The following MARS1 variants were observed in gnomAD, a reference collection of about 807,000 sequenced individuals.
MARS1 encodes methionine--tRNA ligase, cytoplasmic.
In MARS1, 80 loss-of-function variants were observed where a neutral mutation model predicts 119.5. That is an observed-to-expected ratio of 0.67 (90% CI 0.56 to 0.81). The LOEUF (loss-of-function observed/expected upper bound fraction) is 0.81. Among genes scored for constraint, MARS1 ranks in the 30% least tolerant of loss-of-function variants. The probability of loss-of-function intolerance (pLI) is 0.00; values close to 1 mark genes in which losing one functional copy is unlikely to be tolerated. For synonymous variants in MARS1, 418 were observed against 433.4 expected, an observed-to-expected ratio of 0.96 and a Z score of 0.44; for missense variants, 945 against 1,116.5, an observed-to-expected ratio of 0.85 and a Z score of 2.19.
intron 11 of MARS1, among the ~76,000 whole-genome samples, chr12:57,510,773 A>AAT (rs944429997): frequency 2.6e-5 from 4 of 152,126 alleles, no homozygotes; most frequent in African/African-American, 9.6e-5. Flanking sequence ...TGTATTTAAA[A>AAT]AAAGAAAAAA....
intron 11 of MARS1, among the ~76,000 whole-genome samples, chr12:57,507,587 C>T (rs1354019843): frequency 2.8e-5 from 4 of 141,208 alleles, no homozygotes; most frequent in South Asian, 2.3e-4. Context: ...ACCTCCCGGA[C>T]GGGGCGGCTG....
chr12:57,488,294 G>A (rs1166826376), intron 1 of MARS1, 95 bp downstream of exon 1: 31 of 1,157,940 alleles, frequency 2.7e-5, no homozygotes, highest in Non-Finnish European at 3.4e-5. Context: ...CCTAGCCCTC[G>A]CCACACACCC....
In MARS1 at chr12:57,512,169, G is replaced by T. The variant is rs1050313151; in HGVS notation, c.1635+66G>T. 5.6e-6 allele frequency: 9 copies of T among 1,599,384 alleles called. No homozygotes were observed. The Admixed American group carries it at 1.2e-4, about 21-fold the overall frequency. On this transcript the variant is annotated intron_variant, in intron 13 of 20. Coordinates refer to ENST00000262027, the MANE Select transcript of MARS1 (RefSeq NM_004990.4). Reference sequence around the variant, plus strand: ...CGGTAGGGTGTGGGTGTTAGGGTTGGGTGTCTGGTCTTCCTTGGGCCTTTG... The same window carrying T: ...CGGTAGGGTGTGGGTGTTAGGGTTGTGTGTCTGGTCTTCCTTGGGCCTTTG...
At chr12:57,492,586 G>A (rs1386231057) in intron 7 of MARS1, among the ~76,000 whole-genome samples, 2 of 151,730 alleles carry the variant, frequency 1.3e-5, no homozygotes, top group Admixed American at 6.6e-5. Flanking sequence ...CAGGAGAATC[G>A]CTTGAACCCG....
rs752787448 is a variant in MARS1 at position 57,515,061 on chromosome 12, A to C, written c.2204+3A>C. The C allele has an allele frequency of 1.9e-6, 3 of 1,614,188 alleles. No individual in the cohort carries two copies. The highest frequency in any genetic ancestry group is 2.5e-6 in the Non-Finnish European group (3 of 1,180,014). ...ATTAAAGGCAGTGAGGCTGACAGGTAGGTAAGCGGGGAGGGTTGGCTAAAG... is the reference window on the plus strand; with the variant it reads ...ATTAAAGGCAGTGAGGCTGACAGGTCGGTAAGCGGGGAGGGTTGGCTAAAG... On this transcript the variant is annotated splice_donor_region_variant and intron_variant, in intron 17 of 20. Coordinates refer to ENST00000262027, the MANE Select transcript of MARS1 (RefSeq NM_004990.4).
chr12:57,499,877 C>T (rs766461658), intron 9 of MARS1, among the ~76,000 whole-genome samples: 2 of 152,016 alleles, frequency 1.3e-5, no homozygotes, highest in Non-Finnish European at 2.9e-5. Context: ...CCAGCCTGGG[C>T]GACAGAGCGA....
intron 9 of MARS1, among the ~76,000 whole-genome samples, 165 bp downstream of exon 9, chr12:57,498,788 G>A (rs1047363044): frequency 2.6e-5 from 4 of 152,090 alleles, no homozygotes; most frequent in Admixed American, 6.6e-5. Context: ...AGGGAAGATG[G>A]TGTGTGTAGA....
intron 11 of MARS1, among the ~76,000 whole-genome samples, chr12:57,505,153 C>T (rs1877122285): frequency 1.3e-5 from 2 of 150,482 alleles, no homozygotes; most frequent in Non-Finnish European, 2.9e-5. Flanking sequence ...CCAGCATTGA[C>T]CTCCTGATTT....
At chr12:57,504,433 GA>G in intron 11 of MARS1, 134 bp downstream of exon 11, 1 of 714,840 alleles carries the variant, frequency 1.4e-6, no homozygotes, top group East Asian at 2.7e-5. Flanking sequence ...CTATTGTCAA[GA>G]GATGAAATAG....
Position 57,515,922 on chromosome 12 carries a change from C to T in MARS1, c.2394C>T (p.Val798=), listed in dbSNP as rs1877787641. 2 of 1,612,846 alleles carry T rather than the reference C, an allele frequency of 1.2e-6. No homozygotes were observed. The highest frequency in any genetic ancestry group is 1.7e-6 in the Non-Finnish European group (2 of 1,179,342). ...TLPAGHQIGT[V]SPLFQKLEND... is the part of the protein sequence containing the mutation. ...ATTCTGGAACTCTTTTTTTACAGGT[C>T]AGTCCCTTGTTCCAAAAATTGGAAA... The change falls in exon 19 of 21, where the codon GTC becomes GTT. Residue 798 remains valine (V), a splice_region_variant and synonymous_variant. Coordinates refer to ENST00000262027, the MANE Select transcript of MARS1 (RefSeq NM_004990.4).
At position 57,512,827 on chromosome 12, in the gene MARS1, G is replaced by A. The variant is rs149742633; in HGVS notation, c.1830G>A (p.Thr610=). 3.7e-6 allele frequency: 6 copies of A among 1,614,114 alleles called. No individual in the cohort carries two copies. Among genetic ancestry groups the A allele is most frequent in the Admixed American group, 1.7e-5 (1 of 60,004 alleles). ...VGVFGDMAQD[T]GIPADIWRFY... ...TGTTTGGGGACATGGCCCAGGACAC[G>A]GGGATCCCTGCTGACATCTGGCGCT... Residue 610 remains threonine (T), a synonymous_variant, in exon 15 of 21, where the codon ACG becomes ACA. Coordinates refer to ENST00000262027, the MANE Select transcript of MARS1 (RefSeq NM_004990.4).
rs910338244 is a variant in MARS1 at position 57,512,994 on chromosome 12, A to C, written c.1967+30A>C. 3 of 1,590,916 alleles carry C rather than the reference A, an allele frequency of 1.9e-6. No homozygotes were observed. In the African/African-American group the frequency reaches 4.0e-5, roughly 21 times the overall value. On this transcript the variant is annotated intron_variant, in intron 15 of 20. Coordinates refer to ENST00000262027, the MANE Select transcript of MARS1 (RefSeq NM_004990.4). The stretch of plus-strand genomic sequence containing the variant: ...GACTTGGTAAGGGGTCAGAGTTAGC[A>C]GTGAGCTGGGGTGGGGCTCATTTTC...
Position 57,510,653 on chromosome 12 carries a change from G to C in MARS1, c.1369-1045G>C, listed in dbSNP as rs1049377514. On this transcript the variant is annotated intron_variant, in intron 11 of 20. Transcript: ENST00000262027. ...TTTTCTTTTTTGCACTTCCTCAGCTGGCCATGGTGGTTCATGCCTGTAATT... is the reference window on the plus strand; with the variant it reads ...TTTTCTTTTTTGCACTTCCTCAGCTCGCCATGGTGGTTCATGCCTGTAATT... Among the ~76,000 whole-genome samples, 27 of 150,690 alleles carry C rather than the reference G, an allele frequency of 1.8e-4. 1 individual carries two copies. The highest frequency in any genetic ancestry group is 1.1e-3 in the Admixed American group (17 of 15,128).
At chr12:57,500,200 TGAG>T (rs1594821103) in intron 9 of MARS1, 118 bp from the exon 10 acceptor site, 2 of 789,808 alleles carry the variant, frequency 2.5e-6, no homozygotes, top group Non-Finnish European at 4.4e-6. Flanking sequence ...CCCTTTTCCT[TGAG>T]GAGCCTTCTG....
intron 15 of MARS1, among the ~76,000 whole-genome samples, chr12:57,514,075 T>TA (rs1283189790): frequency 0.04 from 5,030 of 126,260 alleles, 123 homozygotes; most frequent in Non-Finnish European, 0.067. Flanking sequence ...AAAAAAAAAT[T>TA]AAAAAAAAAA....
chr12:57,504,948 C>T (rs1383043215), intron 11 of MARS1, among the ~76,000 whole-genome samples: 1 of 151,030 alleles, frequency 6.6e-6, no homozygotes, highest in Non-Finnish European at 1.5e-5. Flanking sequence ...AGATGATCTG[C>T]CTGGCTCAGC....
chr12:57,502,517 C>T (rs1242111347), intron 10 of MARS1, among the ~76,000 whole-genome samples: 1 of 151,710 alleles, frequency 6.6e-6, no homozygotes, highest in African/African-American at 2.4e-5. Context: ...ACCAGTCTGA[C>T]CAACATGGCG....
chr12:57,511,030 G>A (rs1320213924), intron 11 of MARS1, among the ~76,000 whole-genome samples: 1 of 151,694 alleles, frequency 6.6e-6, no homozygotes, highest in East Asian at 1.9e-4. Flanking sequence ...GCCATGATGT[G>A]CCACTGTACT....
Position 57,489,934 on chromosome 12 carries a change from C to T in MARS1, c.453C>T (p.Ala151=). ...TAGCCGACATTGTTTTGTGGGGAGC[C>T]CTATACCCATTACTGCAAGATCCCG... ...ESLADIVLWG[A]LYPLLQDPAY... is the part of the protein sequence containing the mutation. The change falls in exon 5 of 21, where the codon GCC becomes GCT. Residue 151 remains alanine, a synonymous_variant. Coordinates refer to ENST00000262027, the MANE Select transcript of MARS1 (RefSeq NM_004990.4). The T allele has an allele frequency of 6.2e-7, 1 of 1,614,094 alleles. No individual in the cohort carries two copies. Among genetic ancestry groups the T allele is most frequent in the East Asian group, 2.2e-5 (1 of 44,884 alleles).
Sources: gnomAD v4.1 joint callset for allele counts (sites outside exome capture counted in the v4.1 genomes callset) on GRCh38, gnomAD v4.1.1 for gene constraint, MANE v1.5 for transcripts, NCBI Gene and HGNC (gene_info 2026-07-23, HGNC 2026-07-21) for gene names.